ANK3: variants seen among roughly 807,000 people sequenced by gnomAD.
The protein encoded by ANK3 is ankyrin 3.
Under a neutral mutation model 370.9 loss-of-function variants are expected in ANK3, and 57 were observed. The observed-to-expected ratio is 0.15, with a 90% CI of 0.12 to 0.19. ANK3 has a LOEUF of 0.19. Among genes scored for constraint, ANK3 ranks in the 10% least tolerant of loss-of-function variants. The pLI is 1.00. For missense variants in ANK3, 4,439 were observed against 5,302.1 expected (o/e 0.84, Z 5.06); for synonymous variants, 1,929 against 1,946.3 (o/e 0.99, Z 0.23).
At chr10:60,234,056 A>G (rs753565801) in intron 8 of ANK3, among the ~76,000 whole-genome samples, 2 of 152,204 alleles carry the variant, frequency 1.3e-5, no homozygotes, top group African/African-American at 4.8e-5. Flanking sequence ...AGGTTCATCA[A>G]TGCTGTAGCA....
intron 2 of ANK3, among the ~76,000 whole-genome samples, chr10:60,562,571 GC>G (rs2077363644): frequency 6.6e-6 from 1 of 151,956 alleles, no homozygotes; most frequent in Non-Finnish European, 1.5e-5. Flanking sequence ...ACACCACCAC[GC>G]CCAGCTTATT....
At chr10:60,076,819 T>C (rs2131988320) in intron 36 of ANK3, among the ~76,000 whole-genome samples, 1 of 152,316 alleles carries the variant, frequency 6.6e-6, no homozygotes, top group East Asian at 1.9e-4. Context: ...GACTTTCTTA[T>C]GTGTTGGTTT....
At chr10:60,240,400 G>T (rs1034282604) in intron 7 of ANK3, among the ~76,000 whole-genome samples, 3 of 150,690 alleles carry the variant, frequency 2.0e-5, no homozygotes, top group African/African-American at 7.3e-5. Context: ...TGCCTCCTGG[G>T]TTCAAGCAAT....
chr10:60,386,241 G>A (rs1340874672), intron 1 of ANK3, among the ~76,000 whole-genome samples: 3 of 152,194 alleles, frequency 2.0e-5, no homozygotes, highest in Middle Eastern at 3.4e-3. Context: ...AGCGGCCCGT[G>A]AGCAGAGAAG....
upstream of ANK3, among the ~76,000 whole-genome samples, chr10:60,391,869 A>G (rs1000424141): frequency 6.6e-6 from 1 of 152,002 alleles, no homozygotes; most frequent in Admixed American, 6.6e-5. Flanking sequence ...GCTTTTTAGG[A>G]CTCTATAATG....
At chr10:60,645,083 T>C (rs2078693082) in intron 1 of ANK3, among the ~76,000 whole-genome samples, 1 of 152,114 alleles carries the variant, frequency 6.6e-6, no homozygotes, top group Non-Finnish European at 1.5e-5. Context: ...TAGATATTTC[T>C]GGAAATGTGG....
intron 8 of ANK3, among the ~76,000 whole-genome samples, chr10:60,223,089 T>G (rs1392679120): frequency 6.6e-6 from 1 of 152,216 alleles, no homozygotes; most frequent in Admixed American, 6.5e-5. Context: ...CATATGTTAG[T>G]GTCTGCTTAG....
At chr10:60,252,682 TTTC>T (rs2097686610) in intron 7 of ANK3, among the ~76,000 whole-genome samples, 2 of 152,152 alleles carry the variant, frequency 1.3e-5, no homozygotes, top group South Asian at 2.1e-4. Context: ...TAATTAACAG[TTTC>T]TTATTTCTCA....
In ANK3 at chr10:60,580,787, C is replaced by A. The variant is rs997404021; in HGVS notation, c.96+34399G>T. ...AATGTCCCCAAATAACTGAAAAGAA[C>A]ACCTTCGCAGGGAATCTGGTCTAGC... On this transcript the variant is annotated intron_variant, in intron 2 of 43. Coordinates refer to the ANK3 transcript ENST00000373827. Among the ~76,000 whole-genome samples the A allele has an allele frequency of 3.9e-5, 6 of 152,242 alleles. No individual in the cohort carries two copies. In the East Asian group the frequency reaches 1.2e-3, roughly 29 times the overall value.
intron 2 of ANK3, among the ~76,000 whole-genome samples, chr10:60,535,584 T>C (rs989708041): frequency 2.0e-5 from 3 of 152,096 alleles, no homozygotes; most frequent in Admixed American, 2.0e-4. Context: ...GGAGGGGCTG[T>C]AATTTCTTGG....
Position 60,315,712 on chromosome 10 carries a change from A to G in ANK3, c.115-36073T>C, listed in dbSNP as rs530984214. Among the ~76,000 whole-genome samples the G allele has an allele frequency of 8.2e-4, 125 of 152,232 alleles. 1 individual carries two copies. Among genetic ancestry groups the G allele is most frequent in the African/African-American group, 2.9e-3 (122 of 41,550 alleles). On this transcript the variant is annotated intron_variant, in intron 1 of 43. Transcript: ENST00000280772. ...TTTTCCACAGGATTTGGGAAAGTTC[A>G]AAATATATATATATATACTGCCACT... is the stretch of plus-strand genomic sequence containing the variant.
intron 1 of ANK3, among the ~76,000 whole-genome samples, chr10:60,718,701 A>G (rs1399959148): frequency 6.6e-6 from 1 of 152,176 alleles, no homozygotes; most frequent in African/African-American, 2.4e-5. Context: ...AAGGACAATT[A>G]CCAAGCCATT....
chr10:60,541,152 C>A (rs2076838646), intron 2 of ANK3, among the ~76,000 whole-genome samples: 1 of 151,810 alleles, frequency 6.6e-6, no homozygotes, highest in African/African-American at 2.4e-5. Context: ...ATAATATTAT[C>A]TTAGGTCAAA....
At chr10:60,655,348 GC>G (rs1289267814) in intron 1 of ANK3, among the ~76,000 whole-genome samples, 1 of 151,990 alleles carries the variant, frequency 6.6e-6, no homozygotes, top group Non-Finnish European at 1.5e-5. Flanking sequence ...GGGACAAATT[GC>G]TGAGGTGGAA....
Position 60,172,834 on chromosome 10 carries a change from G to A in ANK3, c.2382+66C>T, listed in dbSNP as rs2095829872. On this transcript the variant is annotated intron_variant, in intron 20 of 43. Coordinates refer to ENST00000280772, the MANE Select transcript of ANK3 (RefSeq NM_020987.5). ...CATGAAAGTACAATGAAAAACGTAA[G>A]AAGACACCAGAGTCCAGGCCCATCT... 3 of 1,002,014 alleles carry A rather than the reference G, an allele frequency of 3.0e-6. No homozygotes were observed. In the East Asian group the frequency reaches 7.1e-5, roughly 24 times the overall value. The allele number at this position is 1,002,014 out of a possible 1,614,324, so 62.1% of individuals were successfully genotyped here.
chr10:60,398,667 T>C (rs2063293013), intron 2 of ANK3, among the ~76,000 whole-genome samples: 1 of 152,210 alleles, frequency 6.6e-6, no homozygotes, highest in African/African-American at 2.4e-5. Context: ...AACAAATATT[T>C]ATTGGGTACC....
At position 60,063,370 on chromosome 10, in the gene ANK3, C is replaced by A; in HGVS notation, c.12452-116G>T. On this transcript the variant is annotated intron_variant, in intron 39 of 43. Transcript: ENST00000280772. Reference sequence around the variant, plus strand: ...CTGCTGACATTTTAGCTCCTTCTTACTCCATCTCTGCAATCTCCCTATCCA... The same window carrying A: ...CTGCTGACATTTTAGCTCCTTCTTAATCCATCTCTGCAATCTCCCTATCCA... 4 of 1,005,884 alleles carry A rather than the reference C, an allele frequency of 4.0e-6. No individual in the cohort carries two copies. The South Asian group carries it at 7.3e-5, about 18-fold the overall frequency. The allele number at this position is 1,005,884 out of a possible 1,614,324, so 62.3% of individuals were successfully genotyped here.
chr10:60,093,229 T>C (rs894887946), intron 28 of ANK3, among the ~76,000 whole-genome samples: 1 of 152,230 alleles, frequency 6.6e-6, no homozygotes, highest in Non-Finnish European at 1.5e-5. Flanking sequence ...TCATAACTCA[T>C]GCTGCAACTG....
At chr10:60,695,991 T>G (rs2079442979) in intron 1 of ANK3, among the ~76,000 whole-genome samples, 1 of 149,576 alleles carries the variant, frequency 6.7e-6, no homozygotes, top group Non-Finnish European at 1.5e-5. Context: ...TCAACAAAAT[T>G]GATAGACCGC....
Sources: gnomAD v4.1 joint callset for allele counts (sites outside exome capture counted in the v4.1 genomes callset) on GRCh38, gnomAD v4.1.1 for gene constraint, MANE v1.5 for transcripts, NCBI Gene and HGNC (gene_info 2026-07-23, HGNC 2026-07-21) for gene names.